The following SPRYD3 variants were observed in gnomAD, a reference collection of about 807,000 sequenced individuals.
SPRYD3 encodes SPRY domain containing 3, also known as SPRY domain-containing protein 3.
In SPRYD3, 17 loss-of-function variants were observed where a neutral mutation model predicts 50.1. The ratio of observed to expected loss-of-function variants is 0.34; its 90% CI spans 0.23 to 0.51. The LOEUF (loss-of-function observed/expected upper bound fraction) is 0.51. Among genes scored for constraint, SPRYD3 ranks in the 20% least tolerant of loss-of-function variants. SPRYD3 has a pLI of 0.97. For synonymous variants in SPRYD3, 198 were observed against 215.5 expected (o/e 0.92, Z 0.71); for missense variants, 401 against 591.2 (o/e 0.68, Z 3.34).
Position 53,065,460 on chromosome 12 carries a change from A to G in SPRYD3, c.*372T>C, listed in dbSNP as rs983365219. 9 of 206,570 alleles carry G rather than the reference A, an allele frequency of 4.4e-5. No homozygotes were observed. The highest frequency in any genetic ancestry group is 6.9e-5 in the Non-Finnish European group (7 of 101,882). 12.8% of individuals were successfully genotyped at this position (206,570 alleles called of 1,614,324 possible). A position where few individuals can be genotyped will look rare whatever the true frequency, so the allele number is the denominator to read the frequency against. ...GAGGGGGCTGTCTACTCTACCCTCT[A>G]CAAAGCATCATGCCCGAATAGCAGC... On this transcript the variant is annotated 3_prime_UTR_variant, in exon 11 of 11. Coordinates refer to ENST00000301463, the MANE Select transcript of SPRYD3 (RefSeq NM_032840.3).
At chr12:53,075,686 TCTCACCCCCAAG>T in intron 3 of SPRYD3, 38 bp downstream of exon 3, 1 of 1,424,286 alleles carries the variant, frequency 7.0e-7, no homozygotes, top group Non-Finnish European at 9.9e-7. Context: ...GGCTTAATGA[TCTCACCCCCAAG>T]CTCACCCCCT....
chr12:53,066,368 TTCCTCTTCC>T lies in SPRYD3; in HGVS notation c.1131_1139del (p.Glu381_Glu383del). The T allele has an allele frequency of 2.5e-6, 4 of 1,613,746 alleles. No individual in the cohort carries two copies. The highest frequency in any genetic ancestry group is 2.2e-5 in the South Asian group (2 of 91,018). ...CTATCTCTTCCCCATCCTCTTCCTC[TTCCTCTTCC>T]TCCTCTTCCTCTTCCCCTTCCTGGT... On this transcript the variant is annotated inframe_deletion, in exon 10 of 11. Coordinates refer to ENST00000301463, the MANE Select transcript of SPRYD3 (RefSeq NM_032840.3).
intron 3 of SPRYD3, 152 bp from the exon 4 acceptor site, chr12:53,075,371 G>A (rs757349132): frequency 6.4e-6 from 5 of 777,978 alleles, no homozygotes; most frequent in Non-Finnish European, 1.0e-5. Flanking sequence ...TACTCAGAGG[G>A]GGCAATTGGT....
chr12:53,069,663 G>A (rs1300776067), intron 6 of SPRYD3, among the ~76,000 whole-genome samples: 1 of 152,210 alleles, frequency 6.6e-6, no homozygotes, highest in Non-Finnish European at 1.5e-5. Context: ...ATGCACGGGA[G>A]ACCACCTAAG....
rs890070127 is a variant in SPRYD3, at chr12:53,065,564, C to T, written c.*268G>A. ...GGACCCAGAAGCCCACTGACCAAAG[C>T]GAGTGGGACCACCCACATACCAACA... On this transcript the variant is annotated 3_prime_UTR_variant, in exon 11 of 11. Transcript: ENST00000301463. The T allele has an allele frequency of 3.9e-5, 16 of 414,172 alleles. No individual in the cohort carries two copies. The highest frequency in any genetic ancestry group is 1.6e-4 in the African/African-American group (8 of 50,660). The allele number at this position is 414,172 out of a possible 1,614,324, so 25.7% of individuals were successfully genotyped here.
chr12:53,066,289 C>G, intron 10 of SPRYD3, 25 bp downstream of exon 10: 2 of 1,607,716 alleles, frequency 1.2e-6, no homozygotes, highest in Non-Finnish European at 1.7e-6. Flanking sequence ...AAACCCTGGT[C>G]CCACCTCAAA....
In SPRYD3 at chr12:53,066,340, G is replaced by A. The variant is rs1944506346; in HGVS notation, c.1168C>T (p.Pro390Ser). 6.2e-7 allele frequency: 1 copy of A among 1,613,864 alleles called. No individual in the cohort carries two copies. Among genetic ancestry groups the A allele is most frequent in the South Asian group, 1.1e-5 (1 of 91,042 alleles). The change falls in exon 10 of 11, where the codon CCG becomes TCG. Residue 390 changes from proline to serine, a missense_variant. Transcript: ENST00000301463. Reference sequence around the variant, plus strand: ...ACCACCTTCCTGCCCTCATGCTCCGGCTCTATCTCTTCCCCATCCTCTTCC... The same window carrying A: ...ACCACCTTCCTGCCCTCATGCTCCGACTCTATCTCTTCCCCATCCTCTTCC... ...EEEEDGEEIE[P>S]EHEGRKVVVF...
At chr12:53,075,295 T>A (rs1428997297) in intron 3 of SPRYD3, 76 bp from the exon 4 acceptor site, 18 of 1,512,306 alleles carry the variant, frequency 1.2e-5, no homozygotes, top group Non-Finnish European at 1.5e-5. Flanking sequence ...GGAAGGGGAC[T>A]TAGAGATTAA....
chr12:53,073,365 C>A lies in SPRYD3; in HGVS notation c.614G>T (p.Arg205Leu). 2 of 1,594,446 alleles carry A rather than the reference C, an allele frequency of 1.3e-6. No individual in the cohort carries two copies. Among genetic ancestry groups the A allele is most frequent in the South Asian group, 1.1e-5 (1 of 87,502 alleles). ...VRLHLNAELG[R>L]EDDSVMMVDS... is the part of the protein sequence containing the mutation. Reference sequence around the variant, plus strand: ...CACCATCATGACGCTGTCGTCCTCACGGCCCAGCTCAGCGTTGAGGTGCAG... The same window carrying A: ...CACCATCATGACGCTGTCGTCCTCAAGGCCCAGCTCAGCGTTGAGGTGCAG... Residue 205 changes from arginine (R) to leucine (L), a missense_variant, in exon 6 of 11, where the codon CGT becomes CTT. Transcript: ENST00000301463.
In SPRYD3 at chr12:53,068,760, A is replaced by G. The variant is rs541765082; in HGVS notation, c.694-456T>C. Among the ~76,000 whole-genome samples the G allele has an allele frequency of 2.5e-3, 376 of 152,300 alleles. 2 individuals are homozygous for G. In the South Asian group the frequency reaches 0.03, roughly 12 times the overall value. ...CTAATGGGGACAGGGAGGATGCAGA[A>G]GTTAGGTGCCAACCCCAGATATTCA... is the stretch of plus-strand genomic sequence containing the variant. On this transcript the variant is annotated intron_variant, in intron 6 of 10. Transcript: ENST00000301463.
At chr12:53,076,867 T>G (rs1944592342) in intron 2 of SPRYD3, among the ~76,000 whole-genome samples, 1 of 151,960 alleles carries the variant, frequency 6.6e-6, no homozygotes, top group Admixed American at 6.6e-5. Context: ...GAGAATCGCT[T>G]GAACCCAGGA....
chr12:53,073,250 G>T, intron 6 of SPRYD3, 36 bp downstream of exon 6: 1 of 594,162 alleles, frequency 1.7e-6, no homozygotes, highest in South Asian at 1.9e-5. Context: ...AGCCTCCTCC[G>T]ACCCAGCCCC....
intron 3 of SPRYD3, 151 bp from the exon 4 acceptor site, chr12:53,075,370 G>C (rs1015854097): frequency 2.6e-6 from 2 of 778,576 alleles, no homozygotes; most frequent in African/African-American, 3.5e-5. Context: ...ATACTCAGAG[G>C]GGGCAATTGG....
At chr12:53,068,015 A>G (rs1329502840) in intron 7 of SPRYD3, 140 bp downstream of exon 7, 1 of 936,180 alleles carries the variant, frequency 1.1e-6, no homozygotes, top group African/African-American at 1.6e-5. Context: ...AGACACATAC[A>G]ACTGTGTTCC....
intron 6 of SPRYD3, among the ~76,000 whole-genome samples, chr12:53,068,620 C>G (rs73099930): frequency 6.6e-6 from 1 of 152,122 alleles, no homozygotes; most frequent in Non-Finnish European, 1.5e-5. Flanking sequence ...CATCCTCGCC[C>G]GCTGAAAAAC....
intron 3 of SPRYD3, 49 bp from the exon 4 acceptor site, chr12:53,075,268 GA>G: frequency 6.4e-7 from 1 of 1,572,036 alleles, no homozygotes; most frequent in Non-Finnish European, 8.7e-7. Context: ...GAAATGGGAT[GA>G]ATTGCTGGGG....
rs375042977 is a variant in SPRYD3 at position 53,065,772 on chromosome 12, C to T, written c.*60G>A. On this transcript the variant is annotated 3_prime_UTR_variant, in exon 11 of 11. Transcript: ENST00000301463. ...AACGAAGCCTCTGGGAAGTCAGGAA[C>T]TGGGTGCCTGGCCCAGCAGAGGGTG... 1.3e-6 allele frequency: 2 copies of T among 1,565,506 alleles called. No individual in the cohort carries two copies. The highest frequency in any genetic ancestry group is 2.3e-5 in the East Asian group (1 of 44,290).
At position 53,079,368 on chromosome 12, in the gene SPRYD3, G is replaced by GGCC. The variant is rs1565619585; in HGVS notation, c.-38_-36dup. On this transcript the variant is annotated 5_prime_UTR_variant, in exon 1 of 11. Coordinates refer to ENST00000301463, the MANE Select transcript of SPRYD3 (RefSeq NM_032840.3). ...TCTCAGCTCCGCACACAAGCTCTTC[G>GGCC]GCCGCCGCCACCACACACATCCGGG... 2.5e-6 allele frequency: 4 copies of GGCC among 1,596,588 alleles called. No individual in the cohort carries two copies. Among genetic ancestry groups the GGCC allele is most frequent in the Non-Finnish European group, 3.4e-6 (4 of 1,172,300 alleles).
intron 6 of SPRYD3, 29 bp downstream of exon 6, chr12:53,073,257 C>T: frequency 5.5e-6 from 2 of 363,988 alleles, no homozygotes; most frequent in South Asian, 7.2e-5. Context: ...TCCGACCCAG[C>T]CCCTCCCACC....
Sources: allele counts gnomAD v4.1 joint callset (sites outside exome capture counted in the v4.1 genomes callset), GRCh38; gene constraint gnomAD v4.1.1; transcripts MANE v1.5; gene names NCBI Gene and HGNC (gene_info 2026-07-23, HGNC 2026-07-21).